SEPTIN2: variants seen among roughly 807,000 people sequenced by gnomAD.
The protein encoded by SEPTIN2 is septin-2.
SEPTIN2 carries 34 observed loss-of-function variants against 46.5 expected under a neutral mutation model. The ratio of observed to expected loss-of-function variants is 0.73; its 90% CI spans 0.56 to 0.97. The LOEUF is 0.97. Among genes scored for constraint, SEPTIN2 ranks in the 50% least tolerant of loss-of-function variants. The pLI is 0.00. For synonymous variants in SEPTIN2, 175 were observed against 153.4 expected, an observed-to-expected ratio of 1.14 and a Z score of -1.04; for missense variants, 347 against 448.4, an observed-to-expected ratio of 0.77 and a Z score of 2.04.
At chr2:241,317,450 C>T in intron 1 of SEPTIN2, 1 of 752,478 alleles carries the variant, frequency 1.3e-6, no homozygotes, top group Non-Finnish European at 1.6e-6. Flanking sequence ...GGGTTTCCCT[C>T]TATCATTCAT....
intron 1 of SEPTIN2, chr2:241,324,010 G>A (rs1575159744): frequency 1.9e-6 from 1 of 530,144 alleles, no homozygotes; most frequent in Non-Finnish European, 3.4e-6. Context: ...AATAAAAGTA[G>A]TGATGTTACA....
At chr2:241,326,854 C>CGA (rs1559606535) in intron 3 of SEPTIN2, among the ~76,000 whole-genome samples, 1 of 151,818 alleles carries the variant, frequency 6.6e-6, no homozygotes, top group Non-Finnish European at 1.5e-5. Flanking sequence ...TTTGGGAGGC[C>CGA]GAGGCAGGCA....
intron 1 of SEPTIN2, among the ~76,000 whole-genome samples, chr2:241,322,016 A>G (rs187103280): frequency 6.6e-6 from 1 of 152,252 alleles, no homozygotes; most frequent in East Asian, 1.9e-4. Flanking sequence ...CCTTACTGCT[A>G]CTATCCCTTG....
chr2:241,350,445 A>G (rs548025955), intron 12 of SEPTIN2, among the ~76,000 whole-genome samples: 9 of 151,802 alleles, frequency 5.9e-5, no homozygotes, highest in Admixed American at 3.9e-4. Context: ...TTCAACTTTT[A>G]TTTTATTGGG....
At chr2:241,328,586 TACTA>T (rs2078412104) in intron 3 of SEPTIN2, among the ~76,000 whole-genome samples, 2 of 134,006 alleles carry the variant, frequency 1.5e-5, no homozygotes, top group Non-Finnish European at 3.2e-5. Flanking sequence ...AAAAAAAAAA[TACTA>T]AATTAGCTGG....
chr2:241,344,258 C>T (rs1031105291), intron 9 of SEPTIN2, among the ~76,000 whole-genome samples: 3 of 152,078 alleles, frequency 2.0e-5, no homozygotes, highest in East Asian at 1.9e-4. Context: ...CTGTATAGGC[C>T]CCTGGTCCAC....
Position 241,343,937 on chromosome 2 carries a change from T to C in SEPTIN2, c.842+40T>C, listed in dbSNP as rs137902178. ...GTGTTCCTTCTGGCAGAATTTGGCG[T>C]GAAGAATATGGATTTCAGACGGGGT... On this transcript the variant is annotated intron_variant, in intron 9 of 12. Transcript: ENST00000391971. 178 of 1,610,908 alleles carry C rather than the reference T, an allele frequency of 1.1e-4. 2 individuals carry two copies. In the East Asian group the frequency reaches 3.1e-3, roughly 28 times the overall value.
At chr2:241,322,757 C>CT (rs1306508730) in intron 1 of SEPTIN2, among the ~76,000 whole-genome samples, 1 of 152,040 alleles carries the variant, frequency 6.6e-6, no homozygotes, top group African/African-American at 2.4e-5. Flanking sequence ...AAATCTAGTT[C>CT]TCAGGTAGCT....
intron 1 of SEPTIN2, among the ~76,000 whole-genome samples, chr2:241,317,296 T>C (rs977645954): frequency 2.0e-5 from 3 of 152,180 alleles, no homozygotes; most frequent in Non-Finnish European, 2.9e-5. Flanking sequence ...ATAAAGGTTG[T>C]CCTGATTTTT....
At chr2:241,346,829 G>A (rs115601393) in intron 10 of SEPTIN2, among the ~76,000 whole-genome samples, 10 of 152,212 alleles carry the variant, frequency 6.6e-5, no homozygotes, top group East Asian at 1.9e-4. Flanking sequence ...CACTCTGTAC[G>A]TGAGGACAAA....
At position 241,335,269 on chromosome 2, in the gene SEPTIN2, T is replaced by C; in HGVS notation, c.217+57T>C. 9 of 1,591,008 alleles carry C rather than the reference T, an allele frequency of 5.7e-6. No individual in the cohort carries two copies. The South Asian group carries it at 1.0e-4, about 18-fold the overall frequency. On this transcript the variant is annotated intron_variant, in intron 4 of 12. Transcript: ENST00000391971. ...ATTCTACATGAAAGATGCTGAAGAC[T>C]GCCTAATTAATATTTTATGTCTTAG... is the stretch of plus-strand genomic sequence containing the variant.
At chr2:241,324,176 A>G in intron 1 of SEPTIN2, 40 bp from the exon 2 acceptor site, 2 of 1,596,588 alleles carry the variant, frequency 1.3e-6, no homozygotes, top group Non-Finnish European at 1.7e-6. Context: ...CATACTATGT[A>G]TGTGCGTTTA....
Position 241,326,133 on chromosome 2 carries a change from T to C in SEPTIN2, c.130+20T>C, listed in dbSNP as rs1343198398. Reference sequence around the variant, plus strand: ...TGGTCGGTAAGAAATTAATCTATAGTCTCCAACTTACTAAATAAATATCTC... The same window carrying C: ...TGGTCGGTAAGAAATTAATCTATAGCCTCCAACTTACTAAATAAATATCTC... On this transcript the variant is annotated intron_variant, in intron 3 of 12. Coordinates refer to ENST00000391971, the MANE Select transcript of SEPTIN2 (RefSeq NM_004404.5). 6.3e-7 allele frequency: 1 copy of C among 1,599,006 alleles called. No individual in the cohort carries two copies. Among genetic ancestry groups the C allele is most frequent in the Non-Finnish European group, 8.5e-7 (1 of 1,172,212 alleles).
At chr2:241,329,152 G>C (rs901153321) in intron 3 of SEPTIN2, among the ~76,000 whole-genome samples, 2 of 152,030 alleles carry the variant, frequency 1.3e-5, no homozygotes, top group Admixed American at 1.3e-4. Context: ...TTGAGATGGA[G>C]CCTCGCTCTG....
chr2:241,347,498 C>T (rs1415420642), intron 10 of SEPTIN2, among the ~76,000 whole-genome samples: 1 of 152,114 alleles, frequency 6.6e-6, no homozygotes, highest in African/African-American at 2.4e-5. Flanking sequence ...ACCCTTTGCC[C>T]CTCGTTCACT....
chr2:241,316,403 G>T, intron 1 of SEPTIN2: 3 of 969,816 alleles, frequency 3.1e-6, no homozygotes, highest in Non-Finnish European at 2.9e-6. Context: ...CTTTCTAACG[G>T]TGCCATTTCC....
rs530649756 is a variant in SEPTIN2 at position 241,315,926 on chromosome 2, G to A, written c.-74G>A. The A allele has an allele frequency of 3.3e-5, 5 of 152,256 alleles. No individual in the cohort carries two copies. Among genetic ancestry groups the A allele is most frequent in the Admixed American group, 2.0e-4 (3 of 15,266 alleles). 9.4% of individuals were successfully genotyped at this position (152,256 alleles called of 1,614,324 possible). On this transcript the variant is annotated 5_prime_UTR_variant, in exon 1 of 13. Coordinates refer to ENST00000391971, the MANE Select transcript of SEPTIN2 (RefSeq NM_004404.5). ...GGGGCGGGCTGTGAGCGGACCGCGA[G>A]CGCTGGGCGGGTCCGCGGCGCGGTC...
At chr2:241,321,809 C>T (rs2077172563) in intron 1 of SEPTIN2, among the ~76,000 whole-genome samples, 1 of 152,030 alleles carries the variant, frequency 6.6e-6, no homozygotes, top group South Asian at 2.1e-4. Flanking sequence ...TTGTTATTTT[C>T]TTTAATGATT....
chr2:241,346,985 T>C (rs186813144), intron 10 of SEPTIN2, among the ~76,000 whole-genome samples: 1 of 152,290 alleles, frequency 6.6e-6, no homozygotes, highest in East Asian at 1.9e-4. Context: ...TTTTTAACCA[T>C]TCTAATATGT....
Sources: allele counts gnomAD v4.1 joint callset (sites outside exome capture counted in the v4.1 genomes callset), GRCh38; gene constraint gnomAD v4.1.1; transcripts MANE v1.5; gene names NCBI Gene and HGNC (gene_info 2026-07-23, HGNC 2026-07-21).